The following MTARC1 variants were observed in gnomAD, a reference collection of about 807,000 sequenced individuals.
The protein encoded by MTARC1 is mitochondrial amidoxime reducing component 1.
A neutral mutation model predicts 33.6 loss-of-function variants in MTARC1; 24 were observed. That is an observed-to-expected ratio of 0.72 (90% confidence interval 0.52 to 1.01). The LOEUF is 1.01. Ranked by LOEUF, MTARC1 falls within the 50% of genes least tolerant of loss-of-function variation. MTARC1 has a pLI of 0.00. For synonymous variants in MTARC1, 187 were observed against 189.5 expected, an observed-to-expected ratio of 0.99 and a Z score of 0.11; for missense variants, 417 against 445.7, an observed-to-expected ratio of 0.94 and a Z score of 0.58.
rs1282232331 is a variant in MTARC1 at position 220,813,327 on chromosome 1, A to G, written c.923A>G (p.Tyr308Cys). The change falls in exon 7 of 7, where the codon TAT (tyrosine) becomes TGT (cysteine). Residue 308 changes from tyrosine (Y) to cysteine (C), a missense_variant. Coordinates refer to ENST00000366910, the MANE Select transcript of MTARC1 (RefSeq NM_022746.4). Reference protein sequence around the residue: ...RQCDPSERKLYGKSPLFGQYF... With the variant: ...RQCDPSERKLCGKSPLFGQYF... ...TGTGACCCTTCAGAACGAAAGTTAT[A>G]TGGAAAATCACCACTCTTTGGGCAG... is the stretch of plus-strand genomic sequence containing the variant. 1.9e-6 allele frequency: 3 copies of G among 1,614,170 alleles called. No individual in the cohort carries two copies. The highest frequency in any genetic ancestry group is 2.5e-6 in the Non-Finnish European group (3 of 1,180,036).
chr1:220,804,103 T>C (rs1672895391), intron 4 of MTARC1, among the ~76,000 whole-genome samples: 1 of 152,232 alleles, frequency 6.6e-6, no homozygotes, highest in African/African-American at 2.4e-5. Flanking sequence ...GTCAGGACTA[T>C]AATCAAATGT....
Position 220,805,868 on chromosome 1 carries a change from C to T in MTARC1, c.887+594C>T, listed in dbSNP as rs565932808. 1.2e-4 allele frequency among the ~76,000 whole-genome samples: 18 copies of T among 151,888 alleles called. No individual in the cohort carries two copies. The South Asian group carries it at 1.9e-3, about 16-fold the overall frequency. On this transcript the variant is annotated intron_variant, in intron 6 of 6. Transcript: ENST00000366910. ...AAATTTTAGGTGAAAGACACAGTAC[C>T]GAGAATCATTTTAAATTGTATATAA...
chr1:220,796,590 G>C (rs1672623787), intron 2 of MTARC1, 53 bp from the exon 3 acceptor site: 16 of 1,512,044 alleles, frequency 1.1e-5, no homozygotes, highest in South Asian at 1.3e-5. Flanking sequence ...CACATATTAG[G>C]GTGCATGGAT....
chr1:220,804,174 C>T (rs1345233920), intron 4 of MTARC1, among the ~76,000 whole-genome samples: 1 of 152,134 alleles, frequency 6.6e-6, no homozygotes, highest in African/African-American at 2.4e-5. Flanking sequence ...AGTCCCCTTA[C>T]CCTTCTTTTG....
rs1200127272 is a variant in MTARC1, at chr1:220,816,199, A to C, written c.*2781A>C. On this transcript the variant is annotated 3_prime_UTR_variant, in exon 7 of 7. Coordinates refer to ENST00000366910, the MANE Select transcript of MTARC1 (RefSeq NM_022746.4). ...GAGGTTGGGTAAATTAGACTAGCCA[A>C]ATGGGACTTCGGGAAACCATTTATG... The C allele has an allele frequency of 3.3e-5, 5 of 152,200 alleles. No homozygotes were observed. The highest frequency in any genetic ancestry group is 5.9e-5 in the Non-Finnish European group (4 of 68,054). The allele number at this position is 152,200 out of a possible 1,614,324, so 9.4% of individuals were successfully genotyped here.
Position 220,816,309 on chromosome 1 carries a change from A to G in MTARC1, c.*2891A>G, listed in dbSNP as rs1673279001. ...AGAGTGTATCAAATTAAAGCAACCC[A>G]TGATGGTGGAGAACAGATACATTAA... On this transcript the variant is annotated 3_prime_UTR_variant, in exon 7 of 7. Transcript: ENST00000366910. 1 of 152,248 alleles carries G rather than the reference A, an allele frequency of 6.6e-6. No individual in the cohort carries two copies. The highest frequency in any genetic ancestry group is 6.5e-5 in the Admixed American group (1 of 15,292). 9.4% of individuals were successfully genotyped at this position (152,248 alleles called of 1,614,324 possible). A position where few individuals can be genotyped will look rare whatever the true frequency, so the allele number is the denominator to read the frequency against.
chr1:220,787,845 C>CA (rs973821473), intron 1 of MTARC1, among the ~76,000 whole-genome samples: 15 of 151,120 alleles, frequency 9.9e-5, no homozygotes, highest in African/African-American at 2.9e-4. Flanking sequence ...AACAAACAAA[C>CA]AAAAAAACAA....
At chr1:220,789,343 G>A (rs1336786184) in intron 1 of MTARC1, among the ~76,000 whole-genome samples, 1 of 152,180 alleles carries the variant, frequency 6.6e-6, no homozygotes, top group Non-Finnish European at 1.5e-5. Context: ...AATGCCAGAG[G>A]GGTCCAATCT....
intron 3 of MTARC1, among the ~76,000 whole-genome samples, chr1:220,797,020 C>T (rs966104474): frequency 6.6e-6 from 1 of 152,232 alleles, no homozygotes; most frequent in Non-Finnish European, 1.5e-5. Context: ...TGAGCATCTA[C>T]CTTCCTATTT....
intron 6 of MTARC1, among the ~76,000 whole-genome samples, chr1:220,807,385 C>T (rs749686440): frequency 4.6e-5 from 7 of 152,254 alleles, no homozygotes; most frequent in Non-Finnish European, 1.0e-4. Context: ...GAGTTCGAGA[C>T]CAGCCTGGCC....
intron 4 of MTARC1, chr1:220,799,275 T>C: frequency 1.1e-5 from 8 of 722,718 alleles, no homozygotes; most frequent in Non-Finnish European, 1.4e-5. Context: ...CTTCCTAGTG[T>C]GAGGCGGGTG....
rs1672936431 is a variant in MTARC1, at chr1:220,805,243, A to G, written c.856A>G (p.Ser286Gly). Residue 286 changes from serine to glycine, a missense_variant, in exon 6 of 7, where the codon AGC becomes GGC. Physicochemically the swap from Ser to Gly is moderately conservative, Grantham distance 56. Coordinates refer to ENST00000366910, the MANE Select transcript of MTARC1 (RefSeq NM_022746.4). ...TTVDPDTGVMSRKEPLETLKS... is the reference protein window; with the variant it reads ...TTVDPDTGVMGRKEPLETLKS... ...AGTGGACCCAGACACCGGTGTCATG[A>G]GCAGGAAGGAACCGCTGGAAACACT... is the stretch of plus-strand genomic sequence containing the variant. 1 of 1,613,558 alleles carries G rather than the reference A, an allele frequency of 6.2e-7. No homozygotes were observed. Among genetic ancestry groups the G allele is most frequent in the African/African-American group, 1.3e-5 (1 of 74,994 alleles).
intron 3 of MTARC1, among the ~76,000 whole-genome samples, chr1:220,797,086 T>C (rs1672644449): frequency 6.6e-6 from 1 of 152,246 alleles, no homozygotes; most frequent in African/African-American, 2.4e-5. Flanking sequence ...CAGTGTCTTT[T>C]TTTCATTCCA....
At position 220,802,521 on chromosome 1, in the gene MTARC1, A is replaced by G. The variant is rs72472327; in HGVS notation, c.754-2531A>G. The stretch of plus-strand genomic sequence containing the variant: ...TAGTTTTTGTATTTTTAGTATAGAC[A>G]GGGTTTTGCCATGTTGGCCAGGCTG... On this transcript the variant is annotated intron_variant, in intron 4 of 6. Coordinates refer to ENST00000366910, the MANE Select transcript of MTARC1 (RefSeq NM_022746.4). Among the ~76,000 whole-genome samples, 856 of 152,238 alleles carry G rather than the reference A, an allele frequency of 5.6e-3. 13 individuals are homozygous for G. The highest frequency in any genetic ancestry group is 0.051 in the South Asian group (247 of 4,832).
intron 2 of MTARC1, among the ~76,000 whole-genome samples, chr1:220,792,298 A>G (rs1445808556): frequency 1.3e-5 from 2 of 152,230 alleles, no homozygotes; most frequent in Non-Finnish European, 2.9e-5. Context: ...CAATGAAGCA[A>G]TTCTTCTAGG....
chr1:220,811,419 AC>A (rs1673130802), intron 6 of MTARC1, among the ~76,000 whole-genome samples: 1 of 152,222 alleles, frequency 6.6e-6, no homozygotes, highest in African/African-American at 2.4e-5. Context: ...TGAGAATGCA[AC>A]AGAGAACAAA....
In MTARC1 at chr1:220,805,226, C is replaced by T. The variant is rs139463105; in HGVS notation, c.839C>T (p.Pro280Leu). ...CSRCILTTVD[P>L]DTGVMSRKEP... ...AGATGCATTTTAACCACAGTGGACC[C>T]AGACACCGGTGTCATGAGCAGGAAG... Residue 280 changes from proline to leucine, a missense_variant, in exon 6 of 7, where the codon CCA becomes CTA. By Grantham distance (98) the Pro-to-Leu change is moderately conservative. Transcript: ENST00000366910. 150 of 1,613,832 alleles carry T rather than the reference C, an allele frequency of 9.3e-5. 1 individual carries two copies. The East Asian group carries it at 2.5e-3, about 26-fold the overall frequency.
At chr1:220,801,261 C>T (rs1474447208) in intron 4 of MTARC1, among the ~76,000 whole-genome samples, 1 of 152,088 alleles carries the variant, frequency 6.6e-6, no homozygotes, top group Non-Finnish European at 1.5e-5. Flanking sequence ...CTCTGCCTGG[C>T]ATATCTTCCC....
rs751373002 is a variant in MTARC1, at chr1:220,796,736, G to A, written c.543G>A (p.Val181=). The A allele has an allele frequency of 1.6e-5, 26 of 1,612,760 alleles. No individual in the cohort carries two copies. Among genetic ancestry groups the A allele is most frequent in the Non-Finnish European group, 2.1e-5 (25 of 1,179,488 alleles). Residue 181 remains valine (V), a synonymous_variant, in exon 3 of 7, where the codon GTG becomes GTA. Transcript: ENST00000366910. Reference sequence around the variant, plus strand: ...TGAAGTCACAGCCCTACCGCCTGGTGCACTTCGAGCCTCACATGCGACCGA... The same window carrying A: ...TGAAGTCACAGCCCTACCGCCTGGTACACTTCGAGCCTCACATGCGACCGA... ...SFLKSQPYRL[V]HFEPHMRPRR... is the part of the protein sequence containing the mutation.
Sources: gnomAD v4.1 joint callset for allele counts (sites outside exome capture counted in the v4.1 genomes callset) on GRCh38, gnomAD v4.1.1 for gene constraint, MANE v1.5 for transcripts, NCBI Gene and HGNC (gene_info 2026-07-23, HGNC 2026-07-21) for gene names.